The following BRINP3 variants were observed in gnomAD, a reference collection of about 807,000 sequenced individuals.
BRINP3 encodes BMP/retinoic acid inducible neural specific 3.
Under a neutral mutation model 71.0 loss-of-function variants are expected in BRINP3, and 19 were observed. That is an observed-to-expected ratio of 0.27 (90% CI 0.19 to 0.39). BRINP3 has a LOEUF of 0.39. Ranked by LOEUF, BRINP3 falls within the 10% of genes least tolerant of loss-of-function variation. The pLI is 1.00. For synonymous variants in BRINP3, 380 were observed against 337.7 expected, an observed-to-expected ratio of 1.13 and a Z score of -1.37; for missense variants, 959 against 940.8, an observed-to-expected ratio of 1.02 and a Z score of -0.25.
rs569985761 is a variant in BRINP3, at chr1:190,194,590, T to C, written c.961+31492A>G. 1.2e-4 allele frequency among the ~76,000 whole-genome samples: 18 copies of C among 152,228 alleles called. No individual in the cohort carries two copies. The South Asian group carries it at 3.7e-3, about 32-fold the overall frequency. ...TTGTTTTCAAAACGAAAAGCAGTAG[T>C]GAATAAAACCAATCGTACTATTTTG... On this transcript the variant is annotated intron_variant, in intron 6 of 7. Transcript: ENST00000367462.
chr1:190,228,698 G>T (rs1657640598), intron 5 of BRINP3, among the ~76,000 whole-genome samples: 1 of 151,918 alleles, frequency 6.6e-6, no homozygotes, highest in African/African-American at 2.4e-5. Context: ...TTTATAACCA[G>T]ACCACCGATA....
At chr1:190,129,295 GACAGTAATTTTAAAGAAAC>G (rs1231107817) in intron 7 of BRINP3, among the ~76,000 whole-genome samples, 1 of 151,680 alleles carries the variant, frequency 6.6e-6, no homozygotes, top group Non-Finnish European at 1.5e-5. Flanking sequence ...ATTCAGCTCA[GACAGTAATTTTAAAGAAAC>G]AGAGTTATCT....
intron 2 of BRINP3, among the ~76,000 whole-genome samples, chr1:190,392,223 C>T (rs1455122772): frequency 1.3e-5 from 2 of 151,554 alleles, no homozygotes; most frequent in Non-Finnish European, 1.5e-5. Flanking sequence ...TAATAAAATA[C>T]CTTATAAATA....
intron 5 of BRINP3, among the ~76,000 whole-genome samples, chr1:190,226,749 T>C (rs1049852309): frequency 1.3e-5 from 2 of 152,110 alleles, no homozygotes; most frequent in Non-Finnish European, 2.9e-5. Flanking sequence ...GTAAATATCA[T>C]ATAATGGGTT....
At chr1:190,184,042 T>C (rs183495489) in intron 6 of BRINP3, among the ~76,000 whole-genome samples, 1 of 152,120 alleles carries the variant, frequency 6.6e-6, no homozygotes, top group Non-Finnish European at 1.5e-5. Flanking sequence ...GTACCATATA[T>C]ATAGTGCATG....
intron 6 of BRINP3, among the ~76,000 whole-genome samples, chr1:190,214,628 A>C (rs1571383141): frequency 6.6e-6 from 1 of 151,954 alleles, no homozygotes; most frequent in South Asian, 2.1e-4. Flanking sequence ...TTTAAGACTT[A>C]GTGTATGCAT....
chr1:190,113,796 C>T (rs1199264183), intron 7 of BRINP3, among the ~76,000 whole-genome samples: 1 of 152,140 alleles, frequency 6.6e-6, no homozygotes, highest in Non-Finnish European at 1.5e-5. Flanking sequence ...GAAATGAGAC[C>T]TGTCCAATCC....
intron 6 of BRINP3, among the ~76,000 whole-genome samples, chr1:190,207,545 A>G (rs1655617094): frequency 6.6e-6 from 1 of 152,124 alleles, no homozygotes; most frequent in African/African-American, 2.4e-5. Flanking sequence ...AAATTAAATG[A>G]GACTCTCAGT....
intron 7 of BRINP3, among the ~76,000 whole-genome samples, chr1:190,138,384 A>G (rs745974835): frequency 3.3e-5 from 5 of 152,334 alleles, no homozygotes; most frequent in African/African-American, 1.2e-4. Context: ...AAGTTATTGC[A>G]TAAGTTAAAA....
At chr1:190,253,893 G>T (rs964391440) in intron 4 of BRINP3, among the ~76,000 whole-genome samples, 7 of 152,136 alleles carry the variant, frequency 4.6e-5, no homozygotes, top group Non-Finnish European at 8.8e-5. Context: ...GGTTTCTATG[G>T]TTTTAGGTCT....
intron 2 of BRINP3, among the ~76,000 whole-genome samples, chr1:190,398,686 T>TA (rs1456752491): frequency 6.6e-6 from 1 of 152,104 alleles, no homozygotes; most frequent in East Asian, 1.9e-4. Flanking sequence ...GCATCTATGA[T>TA]ATGCTAAGCA....
intron 2 of BRINP3, among the ~76,000 whole-genome samples, chr1:190,343,280 T>C (rs1204416315): frequency 6.6e-6 from 1 of 151,800 alleles, no homozygotes; most frequent in Non-Finnish European, 1.5e-5. Flanking sequence ...GTGGCAGATA[T>C]ACTTGGAAGA....
intron 7 of BRINP3, among the ~76,000 whole-genome samples, chr1:190,106,438 T>G (rs1652170869): frequency 6.6e-6 from 1 of 151,708 alleles, no homozygotes; most frequent in Admixed American, 6.6e-5. Flanking sequence ...TTTGAAAATC[T>G]AAACAATAAA....
chr1:190,186,238 C>G (rs1044087674), intron 6 of BRINP3, among the ~76,000 whole-genome samples: 7 of 151,840 alleles, frequency 4.6e-5, no homozygotes, highest in Non-Finnish European at 8.8e-5. Flanking sequence ...ATTAGCCAGA[C>G]ATCGTGGCAG....
chr1:190,281,977 CA>C (rs1309684597), intron 2 of BRINP3, among the ~76,000 whole-genome samples: 1 of 149,100 alleles, frequency 6.7e-6, no homozygotes, highest in Non-Finnish European at 1.5e-5. Flanking sequence ...GTACAGCTTC[CA>C]CTGAGATTTT....
At chr1:190,293,432 T>C (rs1664018185) in intron 2 of BRINP3, among the ~76,000 whole-genome samples, 1 of 152,138 alleles carries the variant, frequency 6.6e-6, no homozygotes, top group Non-Finnish European at 1.5e-5. Flanking sequence ...TTGTTTTGTG[T>C]CTTTACATAT....
At chr1:190,266,235 T>C (rs1265611778) in intron 3 of BRINP3, among the ~76,000 whole-genome samples, 3 of 152,186 alleles carry the variant, frequency 2.0e-5, no homozygotes, top group East Asian at 3.8e-4. Flanking sequence ...GGCAAATAAG[T>C]TTGTCTAATA....
intron 4 of BRINP3, among the ~76,000 whole-genome samples, chr1:190,254,889 G>C (rs893558365): frequency 1.6e-4 from 25 of 152,230 alleles, no homozygotes; most frequent in Middle Eastern, 3.4e-3. Flanking sequence ...TGCCCATTCA[G>C]TATGATATTG....
At chr1:190,229,596 T>C (rs1042474029) in intron 5 of BRINP3, among the ~76,000 whole-genome samples, 8 of 150,254 alleles carry the variant, frequency 5.3e-5, no homozygotes, top group African/African-American at 2.0e-4. Context: ...TTCCTCAGGA[T>C]TTAGTTACTA....
Sources: gnomAD v4.1 joint callset for allele counts (sites outside exome capture counted in the v4.1 genomes callset) on GRCh38, gnomAD v4.1.1 for gene constraint, MANE v1.5 for transcripts, NCBI Gene and HGNC (gene_info 2026-07-23, HGNC 2026-07-21) for gene names.